SCHIP1: variants seen among roughly 807,000 people sequenced by gnomAD.
The protein encoded by SCHIP1 is schwannomin interacting protein 1.
In SCHIP1, 8 loss-of-function variants were observed where a neutral mutation model predicts 29.7. The observed-to-expected ratio is 0.27, with a 90% CI of 0.16 to 0.49. SCHIP1 has a LOEUF of 0.49. Ranked by LOEUF, SCHIP1 falls within the 20% of genes least tolerant of loss-of-function variation. The pLI is 0.99. For synonymous variants in SCHIP1, 76 were observed against 94.9 expected, an observed-to-expected ratio of 0.80 and a Z score of 1.16; for missense variants, 193 against 294.6, an observed-to-expected ratio of 0.66 and a Z score of 2.52.
At chr3:159,838,920 A>C (rs1287324813), upstream of SCHIP1, among the ~76,000 whole-genome samples, 1 of 151,324 alleles carries the variant, frequency 6.6e-6, no homozygotes, top group African/African-American at 2.4e-5. Context: ...AAAAAAAGCT[A>C]AAAAAGAAAA....
chr3:159,614,425 T>C, the SCHIP1 span, among the ~76,000 whole-genome samples: 1 of 152,228 alleles, frequency 6.6e-6, no homozygotes, highest in African/African-American at 2.4e-5. Flanking sequence ...TAGAATTCAG[T>C]GTACCTTAAG....
At chr3:159,841,141 T>G (rs1235576532) in intron 1 of SCHIP1, among the ~76,000 whole-genome samples, 1 of 152,210 alleles carries the variant, frequency 6.6e-6, no homozygotes, top group Non-Finnish European at 1.5e-5. Flanking sequence ...GTCGGTTACC[T>G]GAGACAAGCA....
At chr3:159,699,333 T>C in the SCHIP1 span, among the ~76,000 whole-genome samples, 1 of 152,208 alleles carries the variant, frequency 6.6e-6, no homozygotes, top group Non-Finnish European at 1.5e-5. Context: ...AAAGTGCTAT[T>C]GGTGAATTTC....
the SCHIP1 span, among the ~76,000 whole-genome samples, chr3:159,432,335 TGTGTGAGAGAGAGA>T: frequency 0.047 from 3,982 of 85,598 alleles, 88 homozygotes; most frequent in Non-Finnish European, 0.073. Flanking sequence ...TGTGTGTGTG[TGTGTGAGAGAGAGA>T]GAGAGAGAGA....
chr3:159,406,219 C>T, the SCHIP1 span, among the ~76,000 whole-genome samples: 1 of 151,934 alleles, frequency 6.6e-6, no homozygotes, highest in Non-Finnish European at 1.5e-5. Flanking sequence ...ATCCTAAAAG[C>T]AGCAAGAGAA....
the SCHIP1 span, among the ~76,000 whole-genome samples, chr3:159,569,051 T>C: frequency 6.6e-6 from 1 of 152,212 alleles, no homozygotes; most frequent in African/African-American, 2.4e-5. Context: ...TTCCTTATGG[T>C]TGAAACCTAC....
At chr3:159,693,841 A>G in the SCHIP1 span, among the ~76,000 whole-genome samples, 3 of 152,244 alleles carry the variant, frequency 2.0e-5, no homozygotes, top group Non-Finnish European at 4.4e-5. Context: ...AATAAGTTTT[A>G]GAAATTGTTT....
At chr3:159,578,428 A>C in the SCHIP1 span, among the ~76,000 whole-genome samples, 2 of 152,196 alleles carry the variant, frequency 1.3e-5, no homozygotes, top group Admixed American at 1.3e-4. Context: ...GTCACTTTAT[A>C]CTTTAGTGTG....
At chr3:159,791,039 A>C in the SCHIP1 span, among the ~76,000 whole-genome samples, 5 of 152,164 alleles carry the variant, frequency 3.3e-5, no homozygotes, top group South Asian at 6.2e-4. Flanking sequence ...CGGACCCCTC[A>C]CACCTTGCCT....
the SCHIP1 span, among the ~76,000 whole-genome samples, chr3:159,415,684 A>G: frequency 6.6e-6 from 1 of 152,166 alleles, no homozygotes; most frequent in African/African-American, 2.4e-5. Context: ...TTCTTTACTC[A>G]ATCTGTCACT....
At chr3:159,654,403 A>G in the SCHIP1 span, among the ~76,000 whole-genome samples, 1 of 152,086 alleles carries the variant, frequency 6.6e-6, no homozygotes, top group Admixed American at 6.6e-5. Flanking sequence ...CTTGGACTTC[A>G]GTTTCTGCAC....
the SCHIP1 span, among the ~76,000 whole-genome samples, chr3:159,385,538 T>C: frequency 8.8e-3 from 1,227 of 139,142 alleles, 19 homozygotes; most frequent in African/African-American, 0.032. Context: ...GCCTGGGAGA[T>C]AGATCAAGAG....
chr3:159,580,048 T>A, the SCHIP1 span, among the ~76,000 whole-genome samples: 1 of 152,214 alleles, frequency 6.6e-6, no homozygotes, highest in Non-Finnish European at 1.5e-5. Flanking sequence ...CGGCTTATTT[T>A]CAGGATACTG....
At chr3:159,664,531 T>C in the SCHIP1 span, among the ~76,000 whole-genome samples, 2 of 152,196 alleles carry the variant, frequency 1.3e-5, no homozygotes, top group Admixed American at 1.3e-4. Context: ...AAAGTGTACA[T>C]ATTAACATTA....
At chr3:159,802,793 T>G in the SCHIP1 span, among the ~76,000 whole-genome samples, 3 of 152,192 alleles carry the variant, frequency 2.0e-5, no homozygotes, top group African/African-American at 7.2e-5. Context: ...TGCTAGGACT[T>G]CAGAAAGGAT....
the SCHIP1 span, among the ~76,000 whole-genome samples, chr3:159,530,447 C>T: frequency 6.6e-6 from 1 of 152,076 alleles, no homozygotes; most frequent in African/African-American, 2.4e-5. Context: ...GGTTGAGTGT[C>T]AGCCCCTCTT....
the SCHIP1 span, among the ~76,000 whole-genome samples, chr3:159,643,244 T>A: frequency 2.2e-4 from 33 of 152,256 alleles, no homozygotes; most frequent in African/African-American, 7.9e-4. Context: ...AGTACAATGC[T>A]GGCTGTTTCC....
the SCHIP1 span, among the ~76,000 whole-genome samples, chr3:159,789,750 T>A: frequency 6.6e-6 from 1 of 152,256 alleles, no homozygotes; most frequent in Non-Finnish European, 1.5e-5. Context: ...AAACTGATTT[T>A]GTTATCATAA....
At chr3:159,576,343 T>A in the SCHIP1 span, among the ~76,000 whole-genome samples, 1 of 152,214 alleles carries the variant, frequency 6.6e-6, no homozygotes, top group Admixed American at 6.5e-5. Flanking sequence ...TTCTGACTCA[T>A]GTTTACTGTA....
Sources: allele counts gnomAD v4.1 joint callset (sites outside exome capture counted in the v4.1 genomes callset), GRCh38; gene constraint gnomAD v4.1.1; transcripts MANE v1.5; gene names NCBI Gene and HGNC (gene_info 2026-07-23, HGNC 2026-07-21).